CPT1C: variants seen among roughly 807,000 people sequenced by gnomAD.
CPT1C encodes carnitine palmitoyltransferase 1C.
Under a neutral mutation model 97.3 loss-of-function variants are expected in CPT1C, and 61 were observed. The ratio of observed to expected loss-of-function variants is 0.63; its 90% CI spans 0.51 to 0.78. The LOEUF (loss-of-function observed/expected upper bound fraction) is 0.78, where lower values mean the gene tolerates loss of function less well. CPT1C is among the 30% of genes least tolerant of loss of function. The pLI is 0.00. For synonymous variants in CPT1C, 469 were observed against 447.2 expected (o/e 1.05, Z -0.61); for missense variants, 975 against 1,065.5 (o/e 0.92, Z 1.18).
At chr19:49,711,590 G>T in intron 16 of CPT1C, 2 of 576,648 alleles carry the variant, frequency 3.5e-6, no homozygotes, top group African/African-American at 1.9e-5. Flanking sequence ...GGACTCTGGG[G>T]CCAGACACAC....
Position 49,710,754 on chromosome 19 carries a change from C to T in CPT1C, c.1763C>T (p.Ser588Leu), listed in dbSNP as rs750865290. ...GGTCAATTCTGCCTGACTTATGAGT[C>T]GGCCATGACTCGCTTATTCCTGGAA... ...DRGQFCLTYE[S>L]AMTRLFLEGR... Residue 588 changes from serine to leucine, a missense_variant, in exon 16 of 20, where the codon TCG becomes TTG. Physicochemically the swap from Ser to Leu is moderately radical, Grantham distance 145 (BLOSUM62 -2). Coordinates refer to ENST00000598293, the MANE Select transcript of CPT1C (RefSeq NM_001199753.2). 24 of 1,613,686 alleles carry T rather than the reference C, an allele frequency of 1.5e-5. No individual in the cohort carries two copies. The East Asian group carries it at 2.0e-4, about 13-fold the overall frequency.
chr19:49,701,886 ATATT>A (rs548848972), intron 7 of CPT1C, among the ~76,000 whole-genome samples: 1,365 of 112,420 alleles, frequency 0.012, 51 homozygotes, highest in East Asian at 0.084. Flanking sequence ...ATAAATATAT[ATATT>A]TATTTATAAA....
chr19:49,702,936 A>G (rs62128131), intron 7 of CPT1C, among the ~76,000 whole-genome samples: 18,718 of 152,164 alleles, frequency 0.12, 1,404 homozygotes, highest in Non-Finnish European at 0.17. Flanking sequence ...GAGCCCCACG[A>G]GGCAGCTATG....
chr19:49,704,776 T>C lies in CPT1C; in HGVS notation c.760T>C (p.Tyr254His), dbSNP rs2123396568. The change falls in exon 8 of 20, where the codon TAT (tyrosine) becomes CAT (histidine). Residue 254 changes from tyrosine (Y) to histidine (H), a missense_variant. Tyr to His is a moderately conservative substitution (Grantham distance 83). Transcript: ENST00000598293. ...AAATCCGCTGATGGTGAACAGCAAC[T>C]ATTACATGATGGTGAGAAGGGGAGG... Reference protein sequence around the residue: ...SRNPLMVNSNYYMMDFLYVTP... With the variant: ...SRNPLMVNSNHYMMDFLYVTP... 1.2e-6 allele frequency: 2 copies of C among 1,613,984 alleles called. No homozygotes were observed. Among genetic ancestry groups the C allele is most frequent in the East Asian group, 4.5e-5 (2 of 44,874 alleles).
At position 49,706,397 on chromosome 19, in the gene CPT1C, G is replaced by A. The variant is rs985822472; in HGVS notation, c.1327G>A (p.Gly443Ser). 4 of 1,489,560 alleles carry A rather than the reference G, an allele frequency of 2.7e-6. No homozygotes were observed. Among genetic ancestry groups the A allele is most frequent in the South Asian group, 1.3e-5 (1 of 74,096 alleles). The allele number at this position is 1,489,560 out of a possible 1,614,324, so 92.3% of individuals were successfully genotyped here. Residue 443 changes from glycine (G) to serine (S), a missense_variant, in exon 12 of 20, where the codon GGC (glycine) becomes AGC (serine). Gly to Ser is a moderately conservative substitution (Grantham distance 56). Transcript: ENST00000598293. This position sits in a 1 kb window ranked among gnomAD's most constrained non-coding sequence, Gnocchi z 4.8. Reference sequence around the variant, plus strand: ...TGCCTACGCCCATGCTCTGCTGGCCGGCCGGGGCCATGATCGGTGAGTGAG... The same window carrying A: ...TGCCTACGCCCATGCTCTGCTGGCCAGCCGGGGCCATGATCGGTGAGTGAG... Reference protein sequence around the residue: ...LDAYAHALLAGRGHDRWFDKS... With the variant: ...LDAYAHALLASRGHDRWFDKS...
In CPT1C at chr19:49,713,441, C is replaced by T; in HGVS notation, c.2248C>T (p.His750Tyr). ...TKTDSHRLGQ[H>Y]IEDALLDVAS... is the part of the protein sequence containing the mutation. ...CCAGGATTCCCACAGGCTGGGGCAG[C>T]ACATTGAGGACGCACTGCTGGATGT... Residue 750 changes from histidine to tyrosine, a missense_variant, in exon 20 of 20, where the codon CAC becomes TAC. Physicochemically the swap from His to Tyr is moderately conservative, Grantham distance 83. Coordinates refer to ENST00000598293, the MANE Select transcript of CPT1C (RefSeq NM_001199753.2). The T allele has an allele frequency of 6.2e-7, 1 of 1,613,430 alleles. No individual in the cohort carries two copies. Among genetic ancestry groups the T allele is most frequent in the Non-Finnish European group, 8.5e-7 (1 of 1,179,598 alleles).
chr19:49,705,403 C>A, intron 10 of CPT1C, 105 bp downstream of exon 10: 2 of 941,858 alleles, frequency 2.1e-6, no homozygotes, highest in Non-Finnish European at 3.2e-6. Context: ...TGCTTCCTTG[C>A]TGTGTGACCT....
At chr19:49,703,189 C>G (rs1038348422) in intron 7 of CPT1C, among the ~76,000 whole-genome samples, 2 of 141,254 alleles carry the variant, frequency 1.4e-5, no homozygotes, top group Non-Finnish European at 3.1e-5. Flanking sequence ...TCTCTCTTTC[C>G]TTCCTTTTTT....
chr19:49,707,614 C>T lies in CPT1C; in HGVS notation c.1440C>T (p.His480=), dbSNP rs371577631. The change falls in exon 13 of 20, where the codon CAC becomes CAT. Residue 480 remains histidine, a synonymous_variant. Coordinates refer to ENST00000598293, the MANE Select transcript of CPT1C (RefSeq NM_001199753.2). Reference sequence around the variant, plus strand: ...GGGCCGACTGCCCCATCTCAGGACACATGTGGGAGGTAGGGCGGCCAGCCC... The same window carrying T: ...GGGCCGACTGCCCCATCTCAGGACATATGTGGGAGGTAGGGCGGCCAGCCC... ...HSWADCPISG[H]MWEFTLATEC... 2.1e-5 allele frequency: 33 copies of T among 1,609,174 alleles called. No individual in the cohort carries two copies. Among genetic ancestry groups the T allele is most frequent in the African/African-American group, 2.7e-5 (2 of 74,690 alleles).
At chr19:49,702,794 G>A (rs1191864145) in intron 7 of CPT1C, among the ~76,000 whole-genome samples, 2 of 151,730 alleles carry the variant, frequency 1.3e-5, no homozygotes, top group African/African-American at 2.4e-5. Context: ...TTGGTGTGGG[G>A]GAAAGACTGG....
rs1182259566 is a variant in CPT1C at position 49,701,899 on chromosome 19, AAT to A, written c.693+274_693+275del. On this transcript the variant is annotated intron_variant, in intron 7 of 19. Coordinates refer to ENST00000598293, the MANE Select transcript of CPT1C (RefSeq NM_001199753.2). ...ATATAAATATATATATTTATTTATA[AAT>A]ATATATATTTATATTTATATACAAA... Among the ~76,000 whole-genome samples, 29 of 105,110 alleles carry A rather than the reference AAT, an allele frequency of 2.8e-4. 1 individual carries two copies. Among genetic ancestry groups the A allele is most frequent in the Non-Finnish European group, 2.1e-4 (11 of 52,170 alleles). 69.0% of individuals were successfully genotyped at this position (105,110 alleles called of 152,430 possible). A position where few individuals can be genotyped will look rare whatever the true frequency, so the allele number is the denominator to read the frequency against.
At chr19:49,699,996 C>T (rs1201252777) in intron 4 of CPT1C, among the ~76,000 whole-genome samples, 1 of 150,868 alleles carries the variant, frequency 6.6e-6, no homozygotes, top group Admixed American at 6.7e-5. Flanking sequence ...GCCTGTAATC[C>T]CAGCACTTTG....
intron 2 of CPT1C, 130 bp from the exon 3 acceptor site, chr19:49,692,109 T>C (rs903968373): frequency 2.2e-6 from 2 of 898,526 alleles, no homozygotes; most frequent in Non-Finnish European, 3.3e-6. Context: ...CCTGGACTCC[T>C]GGATCTGAGA....
chr19:49,699,438 A>G (rs186155721), intron 4 of CPT1C, among the ~76,000 whole-genome samples: 2 of 137,208 alleles, frequency 1.5e-5, no homozygotes, highest in East Asian at 4.2e-4. Context: ...AGCCTGGGCA[A>G]CATAGAGACC....
At chr19:49,705,782 C>A (rs1187314976) in intron 10 of CPT1C, 127 bp from the exon 11 acceptor site, 1 of 849,366 alleles carries the variant, frequency 1.2e-6, no homozygotes, top group Admixed American at 2.4e-5. Context: ...AATAAAAGTC[C>A]TAGGGTGCTG....
intron 7 of CPT1C, among the ~76,000 whole-genome samples, chr19:49,702,638 G>GA (rs1161628448): frequency 0.012 from 1,748 of 143,156 alleles, 26 homozygotes; most frequent in African/African-American, 0.039. Context: ...AAAAAGAAAA[G>GA]AAAAAAAAAA....
At chr19:49,709,502 A>G (rs924561869) in intron 14 of CPT1C, among the ~76,000 whole-genome samples, 2 of 150,332 alleles carry the variant, frequency 1.3e-5, no homozygotes, top group Non-Finnish European at 1.5e-5. Flanking sequence ...CCCAGCTTCA[A>G]CTGTGGCCCA....
At position 49,700,703 on chromosome 19, in the gene CPT1C, C is replaced by T. The variant is rs755524892; in HGVS notation, c.301C>T (p.Leu101Phe). The change falls in exon 5 of 20, where the codon CTC (leucine) becomes TTC (phenylalanine). Residue 101 changes from leucine (L) to phenylalanine (F), a missense_variant. Transcript: ENST00000598293. ...CCGCAGGGGTGGACAACACCACGGGCTCCGGGGGGTCCTGGCAGCCGCGCT... is the reference window on the plus strand; with the variant it reads ...CCGCAGGGGTGGACAACACCACGGGTTCCGGGGGGTCCTGGCAGCCGCGCT... ...LPDWGGQHHG[L>F]RGVLAAALFA... is the part of the protein sequence containing the mutation. 6 of 1,609,810 alleles carry T rather than the reference C, an allele frequency of 3.7e-6. No individual in the cohort carries two copies. Among genetic ancestry groups the T allele is most frequent in the African/African-American group, 2.7e-5 (2 of 74,936 alleles).
intron 4 of CPT1C, among the ~76,000 whole-genome samples, chr19:49,699,815 G>C (rs529620363): frequency 6.6e-6 from 1 of 152,186 alleles, no homozygotes; most frequent in Non-Finnish European, 1.5e-5. Flanking sequence ...TTAGCTGGGC[G>C]TGGTGGCGGG....
Sources: gnomAD v4.1 joint callset for allele counts (sites outside exome capture counted in the v4.1 genomes callset) on GRCh38, gnomAD v4.1.1 for gene constraint, Gnocchi (gnomAD v3.1) non-coding constraint, MANE v1.5 for transcripts, NCBI Gene and HGNC (gene_info 2026-07-23, HGNC 2026-07-21) for gene names.